The following MBLAC2 variants were observed in gnomAD, a reference collection of about 807,000 sequenced individuals.
MBLAC2 encodes acyl-coenzyme A thioesterase MBLAC2.
In MBLAC2, 24 loss-of-function variants were observed where a neutral mutation model predicts 23.3. The ratio of observed to expected loss-of-function variants is 1.03; its 90% CI spans 0.75 to 1.45. The LOEUF (loss-of-function observed/expected upper bound fraction) is 1.45, where lower values mean the gene tolerates loss of function less well. MBLAC2 is among the 40% of genes most tolerant of loss of function. MBLAC2 has a pLI of 0.00. For missense variants in MBLAC2, 358 were observed against 370.0 expected, an observed-to-expected ratio of 0.97 and a Z score of 0.27; for synonymous variants, 162 against 150.9, an observed-to-expected ratio of 1.07 and a Z score of -0.54.
At chr5:90,471,068 T>A (rs1304255831) in intron 1 of MBLAC2, among the ~76,000 whole-genome samples, 2 of 152,204 alleles carry the variant, frequency 1.3e-5, no homozygotes, top group Non-Finnish European at 2.9e-5. Context: ...TTCCCTTTGC[T>A]GGCATAGTAT....
chr5:90,474,255 C>T lies in MBLAC2; in HGVS notation c.38G>A (p.Gly13Asp), dbSNP rs1750651286. Residue 13 changes from glycine to aspartate, a missense_variant, in exon 1 of 2, where the codon GGC (glycine) becomes GAC (aspartate). Physicochemically the swap from Gly to Asp is moderately conservative, Grantham distance 94 (BLOSUM62 -1). Transcript: ENST00000316610. ...TTCTTGAATCCAGAAGATACCATCG[C>T]CTAGAGACTTGTGGGCGTACCACTC... ...ALEWYAHKSLGDGIFWIQERF... is the reference protein window; with the variant it reads ...ALEWYAHKSLDDGIFWIQERF... The T allele has an allele frequency of 6.2e-7, 1 of 1,613,530 alleles. No homozygotes were observed. The highest frequency in any genetic ancestry group is 1.3e-5 in the African/African-American group (1 of 74,936).
At chr5:90,469,240 A>G (rs1750505522) in intron 1 of MBLAC2, among the ~76,000 whole-genome samples, 1 of 152,194 alleles carries the variant, frequency 6.6e-6, no homozygotes, top group African/African-American at 2.4e-5. Flanking sequence ...TATTGGGATT[A>G]CAGACATGAG....
Position 90,474,389 on chromosome 5 carries a change from G to A in MBLAC2, c.-97C>T, listed in dbSNP as rs1156974835. The A allele has an allele frequency of 8.6e-7, 1 of 1,158,396 alleles. No homozygotes were observed. Among genetic ancestry groups the A allele is most frequent in the Non-Finnish European group, 1.3e-6 (1 of 796,694 alleles). The allele number at this position is 1,158,396 out of a possible 1,614,324, so 71.8% of individuals were successfully genotyped here. A position where few individuals can be genotyped will look rare whatever the true frequency, so the allele number is the denominator to read the frequency against. ...GCACTGCGGCTGTGTGAAGCGGTCTGCCTGCAGCCAGGGAGGAGGCGTAGA... is the reference window on the plus strand; with the variant it reads ...GCACTGCGGCTGTGTGAAGCGGTCTACCTGCAGCCAGGGAGGAGGCGTAGA... On this transcript the variant is annotated 5_prime_UTR_variant, in exon 1 of 2. Coordinates refer to ENST00000316610, the MANE Select transcript of MBLAC2 (RefSeq NM_203406.2).
chr5:90,469,921 T>G (rs1346221874), intron 1 of MBLAC2, among the ~76,000 whole-genome samples: 2 of 152,170 alleles, frequency 1.3e-5, no homozygotes, highest in Non-Finnish European at 2.9e-5. Flanking sequence ...ACTAAAGAGA[T>G]AACTGCATTC....
chr5:90,458,466 C>T lies in MBLAC2; in HGVS notation c.*2701G>A, dbSNP rs1750302317. On this transcript the variant is annotated 3_prime_UTR_variant, in exon 2 of 2. Coordinates refer to ENST00000316610, the MANE Select transcript of MBLAC2 (RefSeq NM_203406.2). Reference sequence around the variant, plus strand: ...ATAAAAATTACTTCTAAATGTCTTACATTTTGACAACTTTGAATTATACTT... The same window carrying T: ...ATAAAAATTACTTCTAAATGTCTTATATTTTGACAACTTTGAATTATACTT... The T allele has an allele frequency of 6.6e-6, 1 of 152,118 alleles. No individual in the cohort carries two copies. Among genetic ancestry groups the T allele is most frequent in the South Asian group, 2.1e-4 (1 of 4,830 alleles). The allele number at this position is 152,118 out of a possible 1,614,324, so 9.4% of individuals were successfully genotyped here.
intron 1 of MBLAC2, among the ~76,000 whole-genome samples, chr5:90,472,195 GTAA>G (rs1750562185): frequency 6.6e-6 from 1 of 152,090 alleles, no homozygotes; most frequent in Non-Finnish European, 1.5e-5. Context: ...AATTTCAAAA[GTAA>G]TTTATTCTTT....
intron 1 of MBLAC2, 194 bp downstream of exon 1, chr5:90,473,645 G>A (rs1750612563): frequency 1.4e-6 from 1 of 701,576 alleles, no homozygotes; most frequent in Admixed American, 2.2e-5. Flanking sequence ...GCTGGTCTCT[G>A]GCAGGGAAGG....
At chr5:90,472,766 T>A (rs1561241298) in intron 1 of MBLAC2, 2 of 152,124 alleles carry the variant, frequency 1.3e-5, no homozygotes, top group Non-Finnish European at 2.9e-5. Flanking sequence ...CTCAAAATCA[T>A]CATATATTTA....
At chr5:90,469,442 A>G (rs971804962) in intron 1 of MBLAC2, among the ~76,000 whole-genome samples, 1 of 150,416 alleles carries the variant, frequency 6.6e-6, no homozygotes, top group Non-Finnish European at 1.5e-5. Flanking sequence ...CTGCTGCTAC[A>G]TAATTTCTGA....
At chr5:90,469,605 T>C (rs1674405091) in intron 1 of MBLAC2, among the ~76,000 whole-genome samples, 1 of 152,242 alleles carries the variant, frequency 6.6e-6, no homozygotes, top group African/African-American at 2.4e-5. Flanking sequence ...AATTGCTTTA[T>C]GCTGTTTGTT....
intron 1 of MBLAC2, among the ~76,000 whole-genome samples, chr5:90,467,752 G>C (rs924950113): frequency 1.4e-5 from 2 of 146,118 alleles, no homozygotes; most frequent in African/African-American, 5.1e-5. Flanking sequence ...TTTTGGGGGG[G>C]GCGGTTTGTT....
chr5:90,461,577 G>C (rs1307068824), intron 1 of MBLAC2, 25 bp from the exon 2 acceptor site: 1 of 1,582,360 alleles, frequency 6.3e-7, no homozygotes, highest in Admixed American at 1.8e-5. Context: ...AGAGTTTACA[G>C]ATAAACATGT....
rs961446424 is a variant in MBLAC2 at position 90,459,468 on chromosome 5, G to A, written c.*1699C>T. 6.6e-6 allele frequency: 1 copy of A among 152,052 alleles called. No individual in the cohort carries two copies. Among genetic ancestry groups the A allele is most frequent in the African/African-American group, 2.4e-5 (1 of 41,428 alleles). 9.4% of individuals were successfully genotyped at this position (152,052 alleles called of 1,614,324 possible). A position where few individuals can be genotyped will look rare whatever the true frequency, so the allele number is the denominator to read the frequency against. ...GAATAGACTATTCTAGACTAGCAAT[G>A]CTTATATCCCTATTCTTGGATTGTT... is the stretch of plus-strand genomic sequence containing the variant. On this transcript the variant is annotated 3_prime_UTR_variant, in exon 2 of 2. Transcript: ENST00000316610.
chr5:90,474,699 C>G lies in MBLAC2; in HGVS notation c.-407G>C, dbSNP rs1017499504. On this transcript the variant is annotated 5_prime_UTR_variant, in exon 1 of 2. Coordinates refer to ENST00000316610, the MANE Select transcript of MBLAC2 (RefSeq NM_203406.2). ...GCAGTGAGGGTGGGAAGAGCTAGAA[C>G]CGCCCACCCACTGGCTCTGCAGGGC... 4.3e-6 allele frequency: 1 copy of G among 230,184 alleles called. No individual in the cohort carries two copies. The highest frequency in any genetic ancestry group is 8.6e-6 in the Non-Finnish European group (1 of 116,482). The allele number at this position is 230,184 out of a possible 1,614,324, so 14.3% of individuals were successfully genotyped here.
chr5:90,459,134 T>C lies in MBLAC2; in HGVS notation c.*2033A>G, dbSNP rs1293355751. On this transcript the variant is annotated 3_prime_UTR_variant, in exon 2 of 2. Coordinates refer to ENST00000316610, the MANE Select transcript of MBLAC2 (RefSeq NM_203406.2). ...AAAAATAATGGCTTTATTTAAGGCT[T>C]AGTAAGTGATTATTTGTAGTTGCCC... 6.6e-6 allele frequency: 1 copy of C among 152,576 alleles called. No homozygotes were observed. The highest frequency in any genetic ancestry group is 1.5e-5 in the Non-Finnish European group (1 of 67,982). The allele number at this position is 152,576 out of a possible 1,614,324, so 9.5% of individuals were successfully genotyped here.
In MBLAC2 at chr5:90,474,106, A is replaced by G. The variant is rs772280065; in HGVS notation, c.187T>C (p.Leu63=). The change falls in exon 1 of 2, where the codon TTG becomes CTG. Residue 63 remains leucine, a synonymous_variant. Coordinates refer to ENST00000316610, the MANE Select transcript of MBLAC2 (RefSeq NM_203406.2). The part of the protein sequence containing the change: ...LPEYLYSSGL[L]QDREAKEDAA... ...TCCTCTTTGGCCTCTCGGTCCTGCA[A>G]GAGGCCGGAGGAGTACAGGTACTCC... 47 of 1,577,486 alleles carry G rather than the reference A, an allele frequency of 3.0e-5. No homozygotes were observed. Among genetic ancestry groups the G allele is most frequent in the Non-Finnish European group, 3.8e-5 (44 of 1,161,668 alleles).
intron 1 of MBLAC2, among the ~76,000 whole-genome samples, chr5:90,469,704 G>A (rs1284002908): frequency 1.3e-5 from 2 of 152,070 alleles, no homozygotes; most frequent in African/African-American, 4.8e-5. Flanking sequence ...AGTAAAAATG[G>A]CTATTGTCAA....
intron 1 of MBLAC2, among the ~76,000 whole-genome samples, chr5:90,472,239 G>A (rs142955763): frequency 6.9e-4 from 105 of 152,252 alleles, no homozygotes; most frequent in African/African-American, 2.5e-3. Flanking sequence ...TAATACCAAT[G>A]TAAACATTTT....
rs1580178503 is a variant in MBLAC2 at position 90,458,822 on chromosome 5, C to T, written c.*2345G>A. On this transcript the variant is annotated 3_prime_UTR_variant, in exon 2 of 2. Transcript: ENST00000316610. ...ATATTTTAAATGTACAGCATGGGCA[C>T]TCAATAAATGATATACTTTACCTTA... 1 of 152,230 alleles carries T rather than the reference C, an allele frequency of 6.6e-6. No individual in the cohort carries two copies. Among genetic ancestry groups the T allele is most frequent in the South Asian group, 2.1e-4 (1 of 4,826 alleles). 9.4% of individuals were successfully genotyped at this position (152,230 alleles called of 1,614,324 possible).
Sources: allele counts gnomAD v4.1 joint callset (sites outside exome capture counted in the v4.1 genomes callset), GRCh38; gene constraint gnomAD v4.1.1; transcripts MANE v1.5; gene names NCBI Gene and HGNC (gene_info 2026-07-23, HGNC 2026-07-21).